SETBP1: variants seen among roughly 807,000 people sequenced by gnomAD.
SETBP1 encodes the protein SET-binding protein.
SETBP1 carries 9 observed loss-of-function variants against 101.0 expected under a neutral mutation model. The ratio of observed to expected loss-of-function variants is 0.09; its 90% CI spans 0.05 to 0.16. The LOEUF (loss-of-function observed/expected upper bound fraction) is 0.16. Ranked by LOEUF, SETBP1 falls within the 10% of genes least tolerant of loss-of-function variation. The pLI is 1.00. For synonymous variants in SETBP1, 818 were observed against 788.5 expected, an observed-to-expected ratio of 1.04 and a Z score of -0.63; for missense variants, 1,858 against 2,033.8, an observed-to-expected ratio of 0.91 and a Z score of 1.66.
chr18:44,974,664 A>AAT (rs1409070615), intron 4 of SETBP1, among the ~76,000 whole-genome samples: 1 of 152,156 alleles, frequency 6.6e-6, no homozygotes, highest in Non-Finnish European at 1.5e-5. Flanking sequence ...ACAAACCGCA[A>AAT]ATATATATTT....
At chr18:44,721,035 C>G (rs906380649) in intron 2 of SETBP1, among the ~76,000 whole-genome samples, 2 of 151,852 alleles carry the variant, frequency 1.3e-5, no homozygotes, top group Non-Finnish European at 2.9e-5. Context: ...GATGGCAGCA[C>G]CCAGCGAAGG....
chr18:44,694,660 G>C (rs1347565582), intron 1 of SETBP1, among the ~76,000 whole-genome samples: 1 of 152,202 alleles, frequency 6.6e-6, no homozygotes, highest in Non-Finnish European at 1.5e-5. Flanking sequence ...GGTAAGAGGA[G>C]TAGCTCGAAG....
chr18:44,846,905 T>C (rs2072735822), intron 2 of SETBP1, among the ~76,000 whole-genome samples: 1 of 152,206 alleles, frequency 6.6e-6, no homozygotes, highest in African/African-American at 2.4e-5. Context: ...TCTCCCAAAC[T>C]TGTCTAGAAC....
rs1356885797 is a variant in SETBP1 at position 45,063,328 on chromosome 18, T to C, written c.4421T>C (p.Val1474Ala). 2 of 1,597,434 alleles carry C rather than the reference T, an allele frequency of 1.3e-6. No individual in the cohort carries two copies. The highest frequency in any genetic ancestry group is 2.3e-5 in the South Asian group (2 of 88,672). The change falls in exon 6 of 6, where the codon GTG (valine) becomes GCG (alanine). Residue 1474 changes from valine (V) to alanine (A), a missense_variant. By Grantham distance (64) the Val-to-Ala change is moderately conservative (BLOSUM62 0). This residue lies in a region of SETBP1 where 178 missense variants were observed against 189.1 expected (regional missense o/e 0.94). Transcript: ENST00000649279. ...GAGGACTCCAGAGACCAAATGCCGG[T>C]GCTGGAAAAATGCATCGACCTGCCC... ...FDEDSRDQMP[V>A]LEKCIDLPSK...
chr18:44,765,582 A>G (rs2070749374), intron 2 of SETBP1, among the ~76,000 whole-genome samples: 1 of 152,224 alleles, frequency 6.6e-6, no homozygotes, highest in Admixed American at 6.5e-5. Flanking sequence ...TGGCGGATCC[A>G]GTTTATGTTG....
intron 4 of SETBP1, among the ~76,000 whole-genome samples, chr18:44,994,405 A>C (rs1350314802): frequency 6.6e-6 from 1 of 152,238 alleles, no homozygotes; most frequent in Non-Finnish European, 1.5e-5. Flanking sequence ...TTATGGGATT[A>C]ATGATAATTC....
chr18:44,937,653 A>G (rs551869360), intron 3 of SETBP1, among the ~76,000 whole-genome samples: 4 of 152,116 alleles, frequency 2.6e-5, no homozygotes, highest in Admixed American at 6.5e-5. Context: ...AGTCTGGTCA[A>G]GGTCTTAGGA....
rs967187712 is a variant in SETBP1, at chr18:44,975,409, A to C, written c.4000+22069A>C. 1.5e-4 allele frequency among the ~76,000 whole-genome samples: 23 copies of C among 152,192 alleles called. 1 individual carries two copies. Among genetic ancestry groups the C allele is most frequent in the Non-Finnish European group, 1.5e-5 (1 of 68,018 alleles). On this transcript the variant is annotated intron_variant, in intron 4 of 5. Transcript: ENST00000649279. ...GAAATTCACTTTTAATGCCAGTTAT[A>C]GTTTTTCTCACGTTAGCAATTCCAT... is the stretch of plus-strand genomic sequence containing the variant.
intron 3 of SETBP1, chr18:44,870,864 G>A (rs8088989): frequency 0.33 from 49,653 of 151,962 alleles, 8,224 homozygotes; most frequent in South Asian, 0.41. Context: ...CGTTCTCTCC[G>A]TGTTTGTTGA....
chr18:44,938,240 C>G (rs1408641647), intron 3 of SETBP1, among the ~76,000 whole-genome samples: 4 of 152,222 alleles, frequency 2.6e-5, no homozygotes, highest in South Asian at 2.1e-4. Context: ...CTGGCTCCCC[C>G]ACCAGGAGCG....
chr18:44,866,154 A>G (rs969528723), intron 2 of SETBP1, among the ~76,000 whole-genome samples: 2 of 152,136 alleles, frequency 1.3e-5, no homozygotes, highest in African/African-American at 4.8e-5. Flanking sequence ...TTAACCTCCA[A>G]TTTCTACACT....
chr18:44,872,120 T>C (rs962091018), intron 3 of SETBP1: 2 of 152,238 alleles, frequency 1.3e-5, no homozygotes, highest in Non-Finnish European at 2.9e-5. Flanking sequence ...CTCACTTCTT[T>C]TGTCTGTCTG....
intron 5 of SETBP1, among the ~76,000 whole-genome samples, chr18:45,058,872 T>G (rs937152373): frequency 2.6e-5 from 4 of 152,210 alleles, no homozygotes; most frequent in African/African-American, 9.7e-5. Context: ...TCATTCATGT[T>G]TCTGTGCCAT....
Position 44,797,604 on chromosome 18 carries a change from G to A in SETBP1, c.487-71626G>A, listed in dbSNP as rs182884522. ...CAGGATCTCTTAGAATTCTCTTGGC[G>A]AAAATGGTAGCTCTCTCTTGCGCCA... On this transcript the variant is annotated intron_variant, in intron 2 of 5. Transcript: ENST00000649279. Among the ~76,000 whole-genome samples the A allele has an allele frequency of 1.8e-3, 268 of 152,190 alleles. 1 individual carries two copies. The highest frequency in any genetic ancestry group is 6.0e-3 in the African/African-American group (248 of 41,526).
intron 3 of SETBP1, among the ~76,000 whole-genome samples, chr18:44,931,028 G>A (rs2070821365): frequency 6.6e-6 from 1 of 152,136 alleles, no homozygotes; most frequent in Non-Finnish European, 1.5e-5. Flanking sequence ...TAATTGTGAT[G>A]TTAGGGTGTC....
chr18:44,873,804 T>G (rs2144703036), intron 3 of SETBP1, among the ~76,000 whole-genome samples: 1 of 152,342 alleles, frequency 6.6e-6, no homozygotes, highest in Admixed American at 6.5e-5. Flanking sequence ...TAACTATGAC[T>G]GAAGTTTTCA....
intron 3 of SETBP1, among the ~76,000 whole-genome samples, chr18:44,904,916 A>G (rs554498983): frequency 1.1e-4 from 16 of 152,298 alleles, no homozygotes; most frequent in African/African-American, 3.8e-4. Flanking sequence ...TGCCACTGAA[A>G]CTATCTCTGG....
rs1163261829 is a variant in SETBP1, at chr18:44,765,818, G to A, written c.486+63986G>A. Among the ~76,000 whole-genome samples, 3 of 152,194 alleles carry A rather than the reference G, an allele frequency of 2.0e-5. No individual in the cohort carries two copies. In the East Asian group the frequency reaches 5.8e-4, roughly 29 times the overall value. On this transcript the variant is annotated intron_variant, in intron 2 of 5. Coordinates refer to ENST00000649279, the MANE Select transcript of SETBP1 (RefSeq NM_015559.3). ...TTAAAAACAAACAAGCACCCATGAAGCATCTCCCTCTTCCTACTACCTATG... is the reference window on the plus strand; with the variant it reads ...TTAAAAACAAACAAGCACCCATGAAACATCTCCCTCTTCCTACTACCTATG...
chr18:44,895,072 C>T (rs554586428), intron 3 of SETBP1, among the ~76,000 whole-genome samples: 1 of 147,420 alleles, frequency 6.8e-6, no homozygotes, highest in South Asian at 2.2e-4. Context: ...TATGATCATG[C>T]CACTGCACTC....
Sources: allele counts gnomAD v4.1 joint callset (sites outside exome capture counted in the v4.1 genomes callset), GRCh38; gene constraint gnomAD v4.1.1; regional missense constraint gnomAD v4.1.1; transcripts MANE v1.5; gene names NCBI Gene and HGNC (gene_info 2026-07-23, HGNC 2026-07-21).